Variants in MATN2 observed in about 807,000 individuals in gnomAD.
The protein encoded by MATN2 is matrilin 2, also known as matrilin-2.
MATN2 carries 69 observed loss-of-function variants against 103.2 expected under a neutral mutation model. The ratio of observed to expected loss-of-function variants is 0.67; its 90% confidence interval spans 0.55 to 0.82. The LOEUF (loss-of-function observed/expected upper bound fraction) is 0.82, where lower values mean the gene tolerates loss of function less well. Among genes scored for constraint, MATN2 ranks in the 40% least tolerant of loss-of-function variants. The probability of loss-of-function intolerance (pLI) is 0.00; values close to 1 mark genes in which losing one functional copy is unlikely to be tolerated. For synonymous variants in MATN2, 429 were observed against 450.2 expected (o/e 0.95, Z 0.60); for missense variants, 1,023 against 1,211.5 (o/e 0.84, Z 2.31).
intron 7 of MATN2, among the ~76,000 whole-genome samples, chr8:98,002,739 A>G (rs538882378): frequency 1.3e-5 from 2 of 152,074 alleles, no homozygotes; most frequent in Admixed American, 1.3e-4. Flanking sequence ...CCTCTTTTAA[A>G]CAAGCTCCTG....
intron 1 of MATN2, among the ~76,000 whole-genome samples, chr8:97,884,316 T>C (rs1818354049): frequency 6.6e-6 from 1 of 151,834 alleles, no homozygotes; most frequent in Non-Finnish European, 1.5e-5. Flanking sequence ...AATTTTGTAT[T>C]TTTAGTAGAG....
intron 7 of MATN2, among the ~76,000 whole-genome samples, chr8:97,998,510 ACT>A (rs1812674377): frequency 1.8e-5 from 2 of 110,318 alleles, no homozygotes; most frequent in South Asian, 5.6e-4. Flanking sequence ...CGACAGTGAG[ACT>A]CTGTCTCAAA....
chr8:97,965,277 T>C (rs1434592267), intron 5 of MATN2, among the ~76,000 whole-genome samples: 1 of 152,198 alleles, frequency 6.6e-6, no homozygotes, highest in East Asian at 1.9e-4. Context: ...ATTTTATCTC[T>C]GAAAAAGAGC....
At chr8:97,927,917 G>A (rs780703733) in intron 2 of MATN2, among the ~76,000 whole-genome samples, 16 of 152,178 alleles carry the variant, frequency 1.1e-4, no homozygotes, top group Non-Finnish European at 2.1e-4. Context: ...CTCAGAGTGC[G>A]AGTCTTGTGT....
At chr8:97,890,602 G>A (rs1818597030) in intron 2 of MATN2, among the ~76,000 whole-genome samples, 1 of 151,900 alleles carries the variant, frequency 6.6e-6, no homozygotes, top group Non-Finnish European at 1.5e-5. Flanking sequence ...GGAAAAGCAT[G>A]CTCATTGGTA....
intron 2 of MATN2, among the ~76,000 whole-genome samples, chr8:97,924,549 C>T (rs1809921550): frequency 6.6e-6 from 1 of 152,078 alleles, no homozygotes; most frequent in Non-Finnish European, 1.5e-5. Context: ...AGATCGGTGA[C>T]CTCTCTCTTT....
chr8:97,874,407 T>TTC (rs72235583), intron 1 of MATN2, among the ~76,000 whole-genome samples: 16 of 20,726 alleles, frequency 7.7e-4, no homozygotes, highest in Non-Finnish European at 3.7e-3. Context: ...CTTCTTCTTC[T>TTC]TTTTTTTTTT....
intron 1 of MATN2, 198 bp from the exon 2 acceptor site, chr8:97,887,877 G>A (rs1818491760): frequency 4.1e-6 from 2 of 491,692 alleles, no homozygotes; most frequent in Admixed American, 4.2e-5. Flanking sequence ...AACTATGCAT[G>A]CCCTGCTCGG....
At chr8:97,941,740 T>C (rs1375486862) in intron 3 of MATN2, 37 bp from the exon 4 acceptor site, 1 of 1,551,530 alleles carries the variant, frequency 6.4e-7, no homozygotes, top group Non-Finnish European at 8.7e-7. Context: ...AGAAAGGGCA[T>C]CACTGTTGAC....
intron 1 of MATN2, among the ~76,000 whole-genome samples, chr8:97,874,450 G>C (rs912376365): frequency 6.6e-6 from 1 of 150,378 alleles, no homozygotes; most frequent in Non-Finnish European, 1.5e-5. Flanking sequence ...CTGTCGCCCG[G>C]GCTATCATGC....
At chr8:97,930,164 A>C (rs1404019527) in intron 2 of MATN2, among the ~76,000 whole-genome samples, 1 of 152,180 alleles carries the variant, frequency 6.6e-6, no homozygotes, top group East Asian at 1.9e-4. Flanking sequence ...CAGCCCATTC[A>C]TATCCCTATT....
At chr8:97,962,409 C>T (rs1298651301) in intron 5 of MATN2, among the ~76,000 whole-genome samples, 4 of 152,240 alleles carry the variant, frequency 2.6e-5, no homozygotes, top group African/African-American at 9.6e-5. Flanking sequence ...TTTTCCAGCA[C>T]ACCTTAATTC....
At chr8:98,032,499 C>T (rs945557791) in intron 16 of MATN2, among the ~76,000 whole-genome samples, 182 bp downstream of exon 16, 3 of 152,058 alleles carry the variant, frequency 2.0e-5, no homozygotes, top group Non-Finnish European at 4.4e-5. Context: ...TAACTAGCAT[C>T]GTTTCAGGTG....
chr8:97,912,627 G>A (rs1464066087), intron 2 of MATN2, among the ~76,000 whole-genome samples: 1 of 152,176 alleles, frequency 6.6e-6, no homozygotes, highest in East Asian at 1.9e-4. Context: ...TGCAGAAGAT[G>A]AGGGTGGGCC....
At chr8:97,874,728 T>G (rs1182456161) in intron 1 of MATN2, among the ~76,000 whole-genome samples, 1 of 151,920 alleles carries the variant, frequency 6.6e-6, no homozygotes, top group Non-Finnish European at 1.5e-5. Flanking sequence ...TTCTACTTTT[T>G]TTTTTTTGAG....
chr8:97,973,203 T>C (rs964336892), intron 5 of MATN2, among the ~76,000 whole-genome samples: 6 of 152,292 alleles, frequency 3.9e-5, no homozygotes, highest in East Asian at 1.9e-4. Context: ...GGATTTCAAA[T>C]TGAGATGGGA....
intron 5 of MATN2, among the ~76,000 whole-genome samples, chr8:97,978,407 A>G (rs1411684064): frequency 1.3e-5 from 2 of 152,194 alleles, no homozygotes; most frequent in Admixed American, 6.5e-5. Context: ...AAACAATGCT[A>G]TTAATAGTTT....
chr8:97,967,933 G>T (rs1739148108), intron 5 of MATN2, among the ~76,000 whole-genome samples: 1 of 152,236 alleles, frequency 6.6e-6, no homozygotes, highest in South Asian at 2.1e-4. Flanking sequence ...CCTGCAGCAG[G>T]CTTCTGCCTG....
rs374039867 is a variant in MATN2 at position 98,016,639 on chromosome 8, G to T, written c.1673G>T (p.Arg558Leu). The change falls in exon 11 of 19, where the codon CGT becomes CTT. Residue 558 changes from arginine (R) to leucine (L), a missense_variant. Transcript: ENST00000254898. The stretch of plus-strand genomic sequence containing the variant: ...CAGTGCTTTGAAGGTTATATACTCC[G>T]TGAAGATGGAAAAACCTGCAGAAGT... ...VCQCFEGYIL[R>L]EDGKTCRRKD... 1.9e-6 allele frequency: 3 copies of T among 1,611,740 alleles called. No individual in the cohort carries two copies. Among genetic ancestry groups the T allele is most frequent in the Non-Finnish European group, 2.5e-6 (3 of 1,178,812 alleles).
Sources: allele counts gnomAD v4.1 joint callset (sites outside exome capture counted in the v4.1 genomes callset), GRCh38; gene constraint gnomAD v4.1.1; transcripts MANE v1.5; gene names NCBI Gene and HGNC (gene_info 2026-07-23, HGNC 2026-07-21).